Variants in CELF2 observed in about 807,000 individuals in gnomAD.
CELF2 encodes CUGBP Elav-like family member 2, also known as CUG triplet repeat RNA-binding protein 2.
In CELF2, 8 loss-of-function variants were observed where a neutral mutation model predicts 62.6. The observed-to-expected ratio is 0.13, with a 90% confidence interval of 0.07 to 0.23. The LOEUF (loss-of-function observed/expected upper bound fraction) is 0.23. Ranked by LOEUF, CELF2 falls within the 10% of genes least tolerant of loss-of-function variation. The probability of loss-of-function intolerance (pLI) is 1.00; values close to 1 mark genes in which losing one functional copy is unlikely to be tolerated. For synonymous variants in CELF2, 258 were observed against 250.0 expected (o/e 1.03, Z -0.30); for missense variants, 333 against 671.0 (o/e 0.50, Z 5.56).
chr10:10,470,292 GTT>G, the CELF2 span, among the ~76,000 whole-genome samples: 2 of 151,484 alleles, frequency 1.3e-5, no homozygotes, highest in African/African-American at 4.8e-5. Flanking sequence ...TTTAAAATGA[GTT>G]TATTAGTTTT....
intron 1 of CELF2, among the ~76,000 whole-genome samples, chr10:11,041,058 A>G (rs1378310656): frequency 6.6e-6 from 1 of 152,208 alleles, no homozygotes; most frequent in Non-Finnish European, 1.5e-5. Context: ...GTGCTGACAC[A>G]TTTGGTTCTT....
chr10:10,604,340 A>T, the CELF2 span, among the ~76,000 whole-genome samples: 1 of 152,258 alleles, frequency 6.6e-6, no homozygotes, highest in Admixed American at 6.5e-5. Flanking sequence ...GTCAAAAAGA[A>T]GTTTGATATC....
chr10:10,603,761 G>A, the CELF2 span, among the ~76,000 whole-genome samples: 1 of 150,052 alleles, frequency 6.7e-6, no homozygotes, highest in Non-Finnish European at 1.5e-5. Context: ...GAGCAGGGAA[G>A]CAAAGTCTAG....
chr10:11,001,808 A>C (rs945116467), upstream of CELF2, among the ~76,000 whole-genome samples: 1 of 152,008 alleles, frequency 6.6e-6, no homozygotes, highest in Admixed American at 6.6e-5. Context: ...AGAAATCCCT[A>C]CCAACCAAAT....
chr10:11,023,451 C>G (rs2058665363), intron 1 of CELF2, among the ~76,000 whole-genome samples: 1 of 152,240 alleles, frequency 6.6e-6, no homozygotes, highest in African/African-American at 2.4e-5. Context: ...AAATGTGATG[C>G]TTTCAGGTAA....
At chr10:10,539,690 T>C in the CELF2 span, among the ~76,000 whole-genome samples, 1 of 152,240 alleles carries the variant, frequency 6.6e-6, no homozygotes. Flanking sequence ...CAGCTTGCAC[T>C]GAGAACGCCT....
the CELF2 span, among the ~76,000 whole-genome samples, chr10:10,750,006 G>A: frequency 1.5e-4 from 23 of 152,260 alleles, no homozygotes; most frequent in East Asian, 1.2e-3. Context: ...GCCATAGGCC[G>A]GGCGAGGCGG....
the CELF2 span, among the ~76,000 whole-genome samples, chr10:10,712,444 T>A: frequency 6.6e-6 from 1 of 152,198 alleles, no homozygotes; most frequent in African/African-American, 2.4e-5. Context: ...GGCCATTTTT[T>A]TCTAAGCTCC....
rs1249478297 is a variant in CELF2 at position 11,330,087 on chromosome 10, G to T, written c.*1034G>T. ...TTCACCGTTGAACCCTAGACCTGAA[G>T]TTCATGCTTTATCCTCTCGTTGTTT... is the stretch of plus-strand genomic sequence containing the variant. On this transcript the variant is annotated 3_prime_UTR_variant, in exon 13 of 13. Transcript: ENST00000633077. This position sits in a 1 kb window ranked among gnomAD's most constrained non-coding sequence, Gnocchi z 4.5. 1 of 152,606 alleles carries T rather than the reference G, an allele frequency of 6.6e-6. No individual in the cohort carries two copies. The highest frequency in any genetic ancestry group is 1.5e-5 in the Non-Finnish European group (1 of 68,032). The allele number at this position is 152,606 out of a possible 1,614,324, so 9.5% of individuals were successfully genotyped here.
At chr10:10,497,982 T>C in the CELF2 span, among the ~76,000 whole-genome samples, 11 of 152,072 alleles carry the variant, frequency 7.2e-5, no homozygotes, top group African/African-American at 2.7e-4. Context: ...GTAATTCAGG[T>C]CAGAGGTGAA....
chr10:10,935,696 A>T (rs1379193126), intron 2 of CELF2, among the ~76,000 whole-genome samples: 1 of 152,186 alleles, frequency 6.6e-6, no homozygotes, highest in Non-Finnish European at 1.5e-5. Flanking sequence ...AAAGGAATTA[A>T]TCCCTGAAAA....
the CELF2 span, among the ~76,000 whole-genome samples, chr10:10,663,069 T>C: frequency 6.6e-6 from 1 of 152,194 alleles, no homozygotes; most frequent in African/African-American, 2.4e-5. Context: ...CATACTTTAT[T>C]ATTTCCATCA....
the CELF2 span, among the ~76,000 whole-genome samples, chr10:10,574,752 C>G: frequency 0.038 from 5,812 of 152,098 alleles, 157 homozygotes; most frequent in Non-Finnish European, 0.058. Flanking sequence ...TCTTGTCACC[C>G]AGGCTGGAGT....
intron 4 of CELF2, among the ~76,000 whole-genome samples, chr10:11,249,856 A>G (rs535362877): frequency 2.5e-4 from 38 of 152,288 alleles, no homozygotes; most frequent in Non-Finnish European, 4.7e-4. Flanking sequence ...GTTCCCTTTC[A>G]GCGAACCTTC....
At chr10:11,105,249 T>G (rs1264639405) in intron 1 of CELF2, among the ~76,000 whole-genome samples, 1 of 152,218 alleles carries the variant, frequency 6.6e-6, no homozygotes, top group Non-Finnish European at 1.5e-5. Flanking sequence ...CCTGGCTGGG[T>G]TTGAATCTAC....
chr10:11,108,350 T>A (rs546865169), intron 1 of CELF2, among the ~76,000 whole-genome samples: 1 of 151,290 alleles, frequency 6.6e-6, no homozygotes, highest in Non-Finnish European at 1.5e-5. Context: ...GGTTCACTGT[T>A]TTTTTGTTTG....
At chr10:10,768,432 C>G in the CELF2 span, among the ~76,000 whole-genome samples, 23 of 152,208 alleles carry the variant, frequency 1.5e-4, no homozygotes, top group Admixed American at 9.2e-4. Flanking sequence ...TCTAAAGTAG[C>G]TACTGGGCAG....
chr10:10,660,545 A>G, the CELF2 span, among the ~76,000 whole-genome samples: 2 of 152,192 alleles, frequency 1.3e-5, no homozygotes, highest in African/African-American at 4.8e-5. Context: ...TATGCCTAGT[A>G]CAGTACTTCT....
At chr10:11,231,211 A>G (rs1380550850) in intron 3 of CELF2, among the ~76,000 whole-genome samples, 1 of 152,208 alleles carries the variant, frequency 6.6e-6, no homozygotes, top group African/African-American at 2.4e-5. Context: ...AGTTTTTCAC[A>G]TTGTGGGTTA....
Sources: allele counts gnomAD v4.1 joint callset (sites outside exome capture counted in the v4.1 genomes callset), GRCh38; gene constraint gnomAD v4.1.1; non-coding constraint Gnocchi (gnomAD v3.1); transcripts MANE v1.5; gene names NCBI Gene and HGNC (gene_info 2026-07-23, HGNC 2026-07-21).